The following ASIC2 variants were observed in gnomAD, a reference collection of about 807,000 sequenced individuals.
ASIC2 encodes acid sensing ion channel subunit 2.
In ASIC2, 25 loss-of-function variants were observed where a neutral mutation model predicts 57.3. The ratio of observed to expected loss-of-function variants is 0.44; its 90% CI spans 0.32 to 0.61. ASIC2 has a LOEUF of 0.61. ASIC2 is among the 20% of genes least tolerant of loss of function. ASIC2 has a pLI of 0.06. For synonymous variants in ASIC2, 319 were observed against 307.5 expected (o/e 1.04, Z -0.39); for missense variants, 641 against 738.1 (o/e 0.87, Z 1.52).
chr17:33,900,469 A>G (rs72818954), intron 1 of ASIC2, among the ~76,000 whole-genome samples: 16,881 of 152,214 alleles, frequency 0.11, 1,155 homozygotes, highest in South Asian at 0.2. Flanking sequence ...ACTCATTAAA[A>G]TAAATGCCCT....
intron 1 of ASIC2, among the ~76,000 whole-genome samples, chr17:33,472,943 T>C (rs1913103931): frequency 6.6e-6 from 1 of 152,190 alleles, no homozygotes; most frequent in Non-Finnish European, 1.5e-5. Context: ...AGCAAATAGC[T>C]CAGCAAATGA....
chr17:33,653,452 C>T (rs1223463855), intron 1 of ASIC2, among the ~76,000 whole-genome samples: 2 of 152,174 alleles, frequency 1.3e-5, no homozygotes, highest in African/African-American at 4.8e-5. Context: ...ATATTATTTA[C>T]TGGGGTAGAG....
intron 1 of ASIC2, among the ~76,000 whole-genome samples, chr17:33,243,123 C>A (rs889409278): frequency 6.6e-6 from 1 of 152,214 alleles, no homozygotes; most frequent in Non-Finnish European, 1.5e-5. Context: ...AGGAAACCAG[C>A]AGCTGATGAC....
intron 1 of ASIC2, among the ~76,000 whole-genome samples, chr17:33,804,559 T>G (rs1205585546): frequency 6.6e-6 from 1 of 152,232 alleles, no homozygotes; most frequent in Non-Finnish European, 1.5e-5. Context: ...TTGCTGGTGC[T>G]GGGTGCTGGG....
At chr17:33,054,308 A>C (rs913785065) in intron 3 of ASIC2, among the ~76,000 whole-genome samples, 3 of 152,068 alleles carry the variant, frequency 2.0e-5, no homozygotes, top group African/African-American at 7.2e-5. Flanking sequence ...CTGGGGCTCA[A>C]ATGACTAGAC....
At chr17:33,281,704 G>A (rs371027887) in intron 1 of ASIC2, among the ~76,000 whole-genome samples, 6 of 152,148 alleles carry the variant, frequency 3.9e-5, no homozygotes, top group East Asian at 1.9e-4. Flanking sequence ...GCATTGGTGC[G>A]AGGCAGGGTG....
At position 33,292,528 on chromosome 17, in the gene ASIC2, C is replaced by A; in HGVS notation, c.-413G>T. 3 of 985,804 alleles carry A rather than the reference C, an allele frequency of 3.0e-6. No individual in the cohort carries two copies. Among genetic ancestry groups the A allele is most frequent in the Non-Finnish European group, 3.6e-6 (3 of 830,278 alleles). 61.1% of individuals were successfully genotyped at this position (985,804 alleles called of 1,614,324 possible). Reference sequence around the variant, plus strand: ...GGACCCTGAGCCGAGTCCCCCCTGCCCCGCCTAACCCCAGCTTTTACGCTG... The same window carrying A: ...GGACCCTGAGCCGAGTCCCCCCTGCACCGCCTAACCCCAGCTTTTACGCTG... On this transcript the variant is annotated 5_prime_UTR_variant, in exon 1 of 10. Transcript: ENST00000225823.
At chr17:33,594,422 A>G (rs756780698) in intron 1 of ASIC2, among the ~76,000 whole-genome samples, 10 of 152,254 alleles carry the variant, frequency 6.6e-5, no homozygotes, top group Non-Finnish European at 1.2e-4. Flanking sequence ...AATGCAACTT[A>G]CAATACCATC....
intron 1 of ASIC2, among the ~76,000 whole-genome samples, chr17:33,583,262 G>A (rs955335449): frequency 1.3e-5 from 2 of 152,210 alleles, no homozygotes; most frequent in Admixed American, 6.5e-5. Context: ...AGGGACAGAT[G>A]ATCTGCATTA....
At chr17:33,381,486 G>A (rs1206868352) in intron 1 of ASIC2, among the ~76,000 whole-genome samples, 3 of 152,218 alleles carry the variant, frequency 2.0e-5, no homozygotes, top group Non-Finnish European at 4.4e-5. Flanking sequence ...ATCTGCCTGT[G>A]TGCTTTCATC....
At chr17:33,511,580 G>A (rs1447409031) in intron 1 of ASIC2, among the ~76,000 whole-genome samples, 4 of 151,962 alleles carry the variant, frequency 2.6e-5, no homozygotes, top group Admixed American at 1.3e-4. Context: ...CCACCTTTTC[G>A]AAGGTGCCCA....
chr17:33,033,242 A>G (rs2091893059), intron 3 of ASIC2, among the ~76,000 whole-genome samples: 1 of 152,174 alleles, frequency 6.6e-6, no homozygotes, highest in Non-Finnish European at 1.5e-5. Flanking sequence ...CTGCAGACCC[A>G]GGCCTCCTGT....
intron 2 of ASIC2, among the ~76,000 whole-genome samples, chr17:33,092,638 T>G (rs971049405): frequency 6.6e-6 from 1 of 152,210 alleles, no homozygotes; most frequent in Non-Finnish European, 1.5e-5. Flanking sequence ...GGAAGTGACT[T>G]GCCCAAGGTC....
intron 1 of ASIC2, among the ~76,000 whole-genome samples, chr17:33,625,052 T>C (rs1905929251): frequency 1.3e-5 from 2 of 152,236 alleles, no homozygotes; most frequent in African/African-American, 4.8e-5. Flanking sequence ...GGATCAGTCT[T>C]GTTGATCAAT....
chr17:33,882,749 C>A (rs540904452), intron 1 of ASIC2, among the ~76,000 whole-genome samples: 1 of 152,250 alleles, frequency 6.6e-6, no homozygotes, highest in South Asian at 2.1e-4. Flanking sequence ...CCCAGCCATC[C>A]CGTTACTGGG....
chr17:33,280,263 T>A (rs931498133), intron 1 of ASIC2, among the ~76,000 whole-genome samples: 3 of 152,200 alleles, frequency 2.0e-5, no homozygotes, highest in Non-Finnish European at 4.4e-5. Context: ...AATGCAGTCA[T>A]GTTTCCCCGG....
chr17:33,140,755 C>A (rs56403075), intron 1 of ASIC2, among the ~76,000 whole-genome samples: 1 of 152,230 alleles, frequency 6.6e-6, no homozygotes, highest in South Asian at 2.1e-4. Context: ...AAGAGACCCA[C>A]GGCTCCCTGT....
chr17:33,527,531 G>A (rs1481776609), intron 1 of ASIC2, among the ~76,000 whole-genome samples: 1 of 151,962 alleles, frequency 6.6e-6, no homozygotes, highest in Admixed American at 6.5e-5. Context: ...ATGACCAGGA[G>A]TGGGGTGTTG....
intron 1 of ASIC2, among the ~76,000 whole-genome samples, chr17:33,502,671 A>G (rs906225410): frequency 1.3e-5 from 2 of 152,228 alleles, no homozygotes; most frequent in Non-Finnish European, 2.9e-5. Context: ...TACAATCCCA[A>G]CCATGCCACC....
Sources: allele counts gnomAD v4.1 joint callset (sites outside exome capture counted in the v4.1 genomes callset), GRCh38; gene constraint gnomAD v4.1.1; transcripts MANE v1.5; gene names NCBI Gene and HGNC (gene_info 2026-07-23, HGNC 2026-07-21).